Variants in ARRB1 observed in about 807,000 individuals in gnomAD.
ARRB1 encodes arrestin beta 1.
Under a neutral mutation model 56.8 loss-of-function variants are expected in ARRB1, and 21 were observed. The ratio of observed to expected loss-of-function variants is 0.37; its 90% CI spans 0.26 to 0.53. The LOEUF is 0.53. ARRB1 is among the 20% of genes least tolerant of loss of function. ARRB1 has a pLI of 0.88. For synonymous variants in ARRB1, 210 were observed against 218.6 expected, an observed-to-expected ratio of 0.96 and a Z score of 0.35; for missense variants, 424 against 553.7, an observed-to-expected ratio of 0.77 and a Z score of 2.35.
intron 1 of ARRB1, among the ~76,000 whole-genome samples, chr11:75,330,813 C>T (rs1947508680): frequency 6.6e-6 from 1 of 152,200 alleles, no homozygotes; most frequent in African/African-American, 2.4e-5. Context: ...GAAACTGAAG[C>T]TGAATGAAAG....
Position 75,274,169 on chromosome 11 carries a change from T to C in ARRB1, c.819A>G (p.Thr273=), listed in dbSNP as rs767116966. Residue 273 remains threonine, a synonymous_variant, in exon 11 of 16, where the codon ACA becomes ACG. Transcript: ENST00000420843. The part of the protein sequence containing the change: ...APSSTFCKVY[T]LTPFLANNRE... ...GGTTATTGGCTAGGAAGGGGGTCAG[T>C]GTGTAGACCTTGCAGAACGTCGAGC... The C allele has an allele frequency of 1.9e-6, 3 of 1,614,162 alleles. No homozygotes were observed. The highest frequency in any genetic ancestry group is 1.3e-5 in the African/African-American group (1 of 75,050).
Position 75,283,306 on chromosome 11 carries a change from G to C in ARRB1, c.335C>G (p.Ala112Gly). 1 of 1,611,226 alleles carries C rather than the reference G, an allele frequency of 6.2e-7. No homozygotes were observed. Among genetic ancestry groups the C allele is most frequent in the East Asian group, 2.2e-5 (1 of 44,860 alleles). ...CCTGACCTCAAAGGTGAAAGGGTAA[G>C]CGTGCTCGCCCAGCTTCTTGATGAG... ...ERLIKKLGEH[A>G]YPFTFEIPPN... Residue 112 changes from alanine to glycine, a missense_variant, in exon 5 of 16, where the codon GCT becomes GGT. Coordinates refer to ENST00000420843, the MANE Select transcript of ARRB1 (RefSeq NM_004041.5).
chr11:75,276,214 GA>G (rs5792683), intron 10 of ARRB1, among the ~76,000 whole-genome samples: 2 of 151,350 alleles, frequency 1.3e-5, no homozygotes, highest in Admixed American at 1.3e-4. Context: ...GCAGGGCCAG[GA>G]AAAAAAAATG....
rs116960251 is a variant in ARRB1 at position 75,292,885 on chromosome 11, C to T, written c.21-2846G>A. Among the ~76,000 whole-genome samples, 496 of 152,184 alleles carry T rather than the reference C, an allele frequency of 3.3e-3. 3 individuals carry two copies. Among genetic ancestry groups the T allele is most frequent in the Non-Finnish European group, 3.2e-3 (219 of 68,014 alleles). On this transcript the variant is annotated intron_variant, in intron 1 of 15. Transcript: ENST00000420843. ...GTAATTAGCTCAAGGCTCAGAGAGA[C>T]GCAGTAATTTCCCCAAGAACACACA...
At chr11:75,275,620 C>T (rs1946185067) in intron 10 of ARRB1, among the ~76,000 whole-genome samples, 2 of 152,224 alleles carry the variant, frequency 1.3e-5, no homozygotes, top group South Asian at 2.1e-4. Flanking sequence ...TTGCTCTATC[C>T]CCCATCCTTT....
At chr11:75,266,314 G>A (rs748441535) in intron 15 of ARRB1, 40 bp from the exon 16 acceptor site, 7 of 1,548,546 alleles carry the variant, frequency 4.5e-6, no homozygotes, top group Admixed American at 3.3e-5. Flanking sequence ...TGTTTGCAGG[G>A]GCAGGGAGAG....
chr11:75,271,744 CAGG>C lies in ARRB1; in HGVS notation c.999-23_999-21del, dbSNP rs1565104850. The C allele has an allele frequency of 1.9e-6, 3 of 1,569,120 alleles. No homozygotes were observed. The African/African-American group carries it at 4.1e-5, about 21-fold the overall frequency. On this transcript the variant is annotated intron_variant, in intron 12 of 15. Coordinates refer to ENST00000420843, the MANE Select transcript of ARRB1 (RefSeq NM_004041.5). ...AACAGGCTGGGTGGGTCAGAGGAGG[CAGG>C]AGAAGTGGTCAGGAGAGAGTTCAGA...
intron 1 of ARRB1, among the ~76,000 whole-genome samples, chr11:75,349,416 A>C (rs1039905850): frequency 6.6e-6 from 1 of 152,250 alleles, no homozygotes; most frequent in Non-Finnish European, 1.5e-5. Context: ...GAGGCAGGGC[A>C]GGGGGAGCCA....
chr11:75,304,439 A>G (rs959594309), intron 1 of ARRB1, among the ~76,000 whole-genome samples: 5 of 135,698 alleles, frequency 3.7e-5, no homozygotes, highest in Non-Finnish European at 8.6e-5. Flanking sequence ...TTGTGGGGGA[A>G]AAAAACTGCC....
intron 1 of ARRB1, among the ~76,000 whole-genome samples, chr11:75,321,558 C>T (rs1326697240): frequency 1.3e-5 from 2 of 152,142 alleles, no homozygotes; most frequent in Non-Finnish European, 2.9e-5. Flanking sequence ...CTTGAAGCTG[C>T]TGGAATTTAG....
rs557929495 is a variant in ARRB1 at position 75,266,393 on chromosome 11, C to T, written c.1146-119G>A. 1.1e-5 allele frequency: 8 copies of T among 757,554 alleles called. No homozygotes were observed. In the African/African-American group the frequency reaches 1.2e-4, roughly 11 times the overall value. 46.9% of individuals were successfully genotyped at this position (757,554 alleles called of 1,614,324 possible). A position where few individuals can be genotyped will look rare whatever the true frequency, so the allele number is the denominator to read the frequency against. The stretch of plus-strand genomic sequence containing the variant: ...CTCTGGGGCCGGGGAGAACCACCCT[C>T]TCTGAGGTCTCTGGCCTCTGGGGCT... On this transcript the variant is annotated intron_variant, in intron 15 of 15. Transcript: ENST00000420843.
intron 1 of ARRB1, among the ~76,000 whole-genome samples, chr11:75,350,113 AG>A (rs1225374665): frequency 6.6e-6 from 1 of 152,242 alleles, no homozygotes; most frequent in African/African-American, 2.4e-5. Flanking sequence ...GTTGCCTCTG[AG>A]CCTGTTTCCT....
chr11:75,279,405 A>T (rs1946277744), intron 7 of ARRB1, among the ~76,000 whole-genome samples: 1 of 152,096 alleles, frequency 6.6e-6, no homozygotes, highest in South Asian at 2.1e-4. Flanking sequence ...TGAAGATTAC[A>T]GGGGATCAGG....
intron 6 of ARRB1, chr11:75,281,700 C>T: frequency 2.0e-6 from 1 of 497,036 alleles, no homozygotes. Context: ...GTCCTCAGAA[C>T]ACTTTGGTCC....
At chr11:75,337,062 C>T (rs777592812) in intron 1 of ARRB1, among the ~76,000 whole-genome samples, 1 of 152,180 alleles carries the variant, frequency 6.6e-6, no homozygotes. Context: ...TCAGGAAATG[C>T]GTGAAGGGAG....
At chr11:75,346,300 T>A (rs2135004615) in intron 1 of ARRB1, among the ~76,000 whole-genome samples, 1 of 152,086 alleles carries the variant, frequency 6.6e-6, no homozygotes, top group South Asian at 2.1e-4. Flanking sequence ...TTACATGTCT[T>A]CCCCAGGACC....
chr11:75,302,936 G>C (rs1253036978), intron 1 of ARRB1, among the ~76,000 whole-genome samples: 1 of 152,002 alleles, frequency 6.6e-6, no homozygotes, highest in Non-Finnish European at 1.5e-5. Flanking sequence ...TAAACTGTCT[G>C]TCTCCCTACA....
chr11:75,293,986 T>G (rs1345725085), intron 1 of ARRB1, among the ~76,000 whole-genome samples: 1 of 152,196 alleles, frequency 6.6e-6, no homozygotes, highest in Non-Finnish European at 1.5e-5. Context: ...GGCTTGGATG[T>G]GACTCCCACT....
intron 1 of ARRB1, among the ~76,000 whole-genome samples, chr11:75,300,967 C>CA (rs149559322): frequency 0.13 from 9,964 of 76,584 alleles, 1,235 homozygotes; most frequent in African/African-American, 0.32. Flanking sequence ...GACTCCGTCT[C>CA]AAAAAAAAAA....
Sources: gnomAD v4.1 joint callset for allele counts (sites outside exome capture counted in the v4.1 genomes callset) on GRCh38, gnomAD v4.1.1 for gene constraint, MANE v1.5 for transcripts, NCBI Gene and HGNC (gene_info 2026-07-23, HGNC 2026-07-21) for gene names.